The following ANK3 variants were observed in gnomAD, a reference collection of about 807,000 sequenced individuals.
The protein encoded by ANK3 is ankyrin 3, also known as ankyrin-3.
ANK3 carries 57 observed loss-of-function variants against 370.9 expected under a neutral mutation model. That is an observed-to-expected ratio of 0.15 (90% CI 0.12 to 0.19). The LOEUF (loss-of-function observed/expected upper bound fraction) is 0.19, where lower values mean the gene tolerates loss of function less well. Among genes scored for constraint, ANK3 ranks in the 10% least tolerant of loss-of-function variants. ANK3 has a pLI of 1.00. For synonymous variants in ANK3, 1,929 were observed against 1,946.3 expected (o/e 0.99, Z 0.23); for missense variants, 4,439 against 5,302.1 (o/e 0.84, Z 5.06).
At chr10:60,627,402 A>T (rs1037997381) in intron 1 of ANK3, among the ~76,000 whole-genome samples, 3 of 142,534 alleles carry the variant, frequency 2.1e-5, no homozygotes, top group Non-Finnish European at 3.1e-5. Context: ...CCGTCATTAA[A>T]AAAAAGATAA....
chr10:60,501,592 C>A (rs910917935), intron 2 of ANK3, among the ~76,000 whole-genome samples: 2 of 151,230 alleles, frequency 1.3e-5, no homozygotes, highest in African/African-American at 2.4e-5. Context: ...GTAATGCCAG[C>A]TAGCTGGGAG....
In ANK3 at chr10:60,198,520, G is replaced by C; in HGVS notation, c.1509C>G (p.Leu503=). ...EAKAKDDQTP[L]HISARLGKAD... ...CTTTCCCCAGTCGGGCTGAAATGTG[G>C]AGTGGTGTTTGGTCATCCTAAACAG... The change falls in exon 14 of 44, where the codon CTC becomes CTG. Residue 503 remains leucine, a synonymous_variant. Coordinates refer to ENST00000280772, the MANE Select transcript of ANK3 (RefSeq NM_020987.5). The C allele has an allele frequency of 6.2e-7, 1 of 1,614,196 alleles. No homozygotes were observed. Among genetic ancestry groups the C allele is most frequent in the Non-Finnish European group, 8.5e-7 (1 of 1,180,018 alleles).
chr10:60,059,728 C>T, intron 40 of ANK3: 1 of 1,613,776 alleles, frequency 6.2e-7, no homozygotes, highest in Non-Finnish European at 8.5e-7. Context: ...TGGCTCTCAT[C>T]TACATCCACT....
rs1327275002 is a variant in ANK3, at chr10:60,105,931, G to A, written c.3302C>T (p.Thr1101Ile). Residue 1101 changes from threonine to isoleucine, a missense_variant, in exon 28 of 44, where the codon ACC (threonine) becomes ATC (isoleucine). Coordinates refer to ENST00000280772, the MANE Select transcript of ANK3 (RefSeq NM_020987.5). ...HQFDSKNEDL[T>I]ELLNGMDEEL... is the part of the protein sequence containing the mutation. ...TTCATCCATGCCATTAAGTAACTCG[G>A]TTAAATCTTCATTTTTGCTGTCAAA... is the stretch of plus-strand genomic sequence containing the variant. The A allele has an allele frequency of 1.9e-6, 3 of 1,611,262 alleles. No individual in the cohort carries two copies. In the African/African-American group the frequency reaches 4.0e-5, roughly 22 times the overall value.
chr10:60,378,176 G>A (rs1362393483), intron 1 of ANK3, among the ~76,000 whole-genome samples: 1 of 152,104 alleles, frequency 6.6e-6, no homozygotes, highest in East Asian at 1.9e-4. Flanking sequence ...AAAGTCCAAG[G>A]TGACTCATTT....
At chr10:60,273,084 G>A (rs2098025793) in intron 4 of ANK3, among the ~76,000 whole-genome samples, 1 of 152,040 alleles carries the variant, frequency 6.6e-6, no homozygotes, top group South Asian at 2.1e-4. Context: ...TTCTTAAAAG[G>A]CACAACTCTG....
chr10:60,423,458 AC>A (rs1300877562), intron 2 of ANK3, among the ~76,000 whole-genome samples: 3 of 151,094 alleles, frequency 2.0e-5, no homozygotes. Flanking sequence ...TATTTTTATT[AC>A]CAGGACTTTT....
intron 1 of ANK3, among the ~76,000 whole-genome samples, chr10:60,714,953 A>C (rs904565709): frequency 6.6e-6 from 1 of 152,192 alleles, no homozygotes; most frequent in Non-Finnish European, 1.5e-5. Context: ...TGTACAACAC[A>C]AAAAGTGAAC....
intron 1 of ANK3, among the ~76,000 whole-genome samples, chr10:60,289,688 C>A (rs761343535): frequency 2.0e-5 from 3 of 152,144 alleles, no homozygotes; most frequent in Non-Finnish European, 4.4e-5. Context: ...CAGTGCCCAG[C>A]CTTATGCCCC....
chr10:60,675,330 G>A (rs1037068829), intron 1 of ANK3, among the ~76,000 whole-genome samples: 1 of 152,138 alleles, frequency 6.6e-6, no homozygotes, highest in Admixed American at 6.5e-5. Context: ...CAGGGTTTGA[G>A]GTCATCACTA....
chr10:60,275,308 A>T, intron 4 of ANK3, among the ~76,000 whole-genome samples: 1 of 152,320 alleles, frequency 6.6e-6, no homozygotes, highest in East Asian at 1.9e-4. Flanking sequence ...TGCTATTATA[A>T]GCATGCAAAT....
intron 1 of ANK3, among the ~76,000 whole-genome samples, chr10:60,668,188 C>T (rs2079022728): frequency 6.6e-6 from 1 of 151,446 alleles, no homozygotes; most frequent in African/African-American, 2.5e-5. Context: ...CTCACCCTCC[C>T]CCACAGCAGG....
intron 42 of ANK3, among the ~76,000 whole-genome samples, chr10:60,047,097 G>A (rs1338908409): frequency 1.3e-5 from 2 of 152,110 alleles, no homozygotes; most frequent in Non-Finnish European, 2.9e-5. Context: ...CTGAGCCACC[G>A]CGCCCGGCCT....
At chr10:60,227,945 A>G (rs751270008) in intron 8 of ANK3, among the ~76,000 whole-genome samples, 25 of 152,196 alleles carry the variant, frequency 1.6e-4, no homozygotes, top group Non-Finnish European at 3.2e-4. Context: ...TTTTAAAATT[A>G]CATACTGGGT....
chr10:60,162,371 A>G (rs760480552), intron 23 of ANK3, among the ~76,000 whole-genome samples: 2 of 152,262 alleles, frequency 1.3e-5, no homozygotes, highest in Non-Finnish European at 2.9e-5. Context: ...CAGCTCTGCC[A>G]CAAACCTCAT....
intron 2 of ANK3, among the ~76,000 whole-genome samples, chr10:60,461,028 T>A (rs534782705): frequency 6.6e-6 from 1 of 152,308 alleles, no homozygotes; most frequent in East Asian, 1.9e-4. Flanking sequence ...GGATGCAATT[T>A]AAGCACAGGT....
intron 38 of ANK3, among the ~76,000 whole-genome samples, chr10:60,064,766 T>G (rs2081312189): frequency 6.6e-6 from 1 of 152,186 alleles, no homozygotes; most frequent in African/African-American, 2.4e-5. Flanking sequence ...CTCAGGAGGC[T>G]GAGTTGGATC....
rs139363995 is a variant in ANK3, at chr10:60,584,305, C to T, written c.96+30881G>A. On this transcript the variant is annotated intron_variant, in intron 2 of 43. Transcript: ENST00000373827. ...AACTACGTCATCAAAATGTCCTTAGCATTTTGATTATGGAAGGAACAATAA... is the reference window on the plus strand; with the variant it reads ...AACTACGTCATCAAAATGTCCTTAGTATTTTGATTATGGAAGGAACAATAA... 5.1e-4 allele frequency among the ~76,000 whole-genome samples: 77 copies of T among 152,232 alleles called. 1 individual carries two copies. The highest frequency in any genetic ancestry group is 1.7e-3 in the African/African-American group (71 of 41,544).
rs80174391 is a variant in ANK3 at position 60,487,439 on chromosome 10, G to T, written c.96+127747C>A. Among the ~76,000 whole-genome samples, 5 of 152,280 alleles carry T rather than the reference G, an allele frequency of 3.3e-5. No individual in the cohort carries two copies. The East Asian group carries it at 9.6e-4, about 29-fold the overall frequency. On this transcript the variant is annotated intron_variant, in intron 2 of 43. Coordinates refer to the ANK3 transcript ENST00000373827. Reference sequence around the variant, plus strand: ...TAGCCTGAAAGAATAAGCCAAATGAGATAGAAAAGACATCAATAATTGTTG... The same window carrying T: ...TAGCCTGAAAGAATAAGCCAAATGATATAGAAAAGACATCAATAATTGTTG...
Sources: gnomAD v4.1 joint callset for allele counts (sites outside exome capture counted in the v4.1 genomes callset) on GRCh38, gnomAD v4.1.1 for gene constraint, MANE v1.5 for transcripts, NCBI Gene and HGNC (gene_info 2026-07-23, HGNC 2026-07-21) for gene names.